ROBO2: variants seen among roughly 807,000 people sequenced by gnomAD.
ROBO2 encodes the protein roundabout homolog 2.
ROBO2 carries 53 observed loss-of-function variants against 160.8 expected under a neutral mutation model. The ratio of observed to expected loss-of-function variants is 0.33; its 90% CI spans 0.26 to 0.41. ROBO2 has a LOEUF of 0.41. ROBO2 is among the 10% of genes least tolerant of loss of function. The probability of loss-of-function intolerance (pLI) is 1.00; values close to 1 mark genes in which losing one functional copy is unlikely to be tolerated. For missense variants in ROBO2, 1,577 were observed against 1,722.4 expected (o/e 0.92, Z 1.49); for synonymous variants, 664 against 611.7 (o/e 1.09, Z -1.26).
At chr3:76,184,940 C>T (rs1575786377) in intron 2 of ROBO2, among the ~76,000 whole-genome samples, 1 of 151,718 alleles carries the variant, frequency 6.6e-6, no homozygotes, top group Non-Finnish European at 1.5e-5. Flanking sequence ...ATAGTGCCTT[C>T]CCACATCGAT....
At chr3:75,927,968 T>A (rs1216671796) in intron 1 of ROBO2, among the ~76,000 whole-genome samples, 1 of 89,300 alleles carries the variant, frequency 1.1e-5, no homozygotes, top group Non-Finnish European at 2.5e-5. Flanking sequence ...TCTTTAATGA[T>A]TTTCTCTCTT....
chr3:76,252,758 T>C (rs71195257), intron 2 of ROBO2, among the ~76,000 whole-genome samples: 754 of 53,612 alleles, frequency 0.014, 10 homozygotes, highest in East Asian at 0.079. Context: ...TGTATATGTA[T>C]ACACACACAC....
chr3:76,285,066 C>A (rs1708441466), intron 2 of ROBO2, among the ~76,000 whole-genome samples: 1 of 152,100 alleles, frequency 6.6e-6, no homozygotes, highest in Admixed American at 6.6e-5. Flanking sequence ...CTGAAAGGAA[C>A]AACCAAGTTT....
At chr3:76,736,512 C>T (rs1218058918) in intron 2 of ROBO2, among the ~76,000 whole-genome samples, 1 of 152,194 alleles carries the variant, frequency 6.6e-6, no homozygotes, top group East Asian at 1.9e-4. Flanking sequence ...GATTATCCAA[C>T]AATCAGTTAC....
At chr3:77,403,342 A>G (rs2075976214) in intron 2 of ROBO2, among the ~76,000 whole-genome samples, 1 of 151,996 alleles carries the variant, frequency 6.6e-6, no homozygotes, top group African/African-American at 2.4e-5. Context: ...AAATTTTGAA[A>G]CCTCTGACCA....
intron 2 of ROBO2, among the ~76,000 whole-genome samples, chr3:77,032,569 A>G (rs2063386618): frequency 6.6e-6 from 1 of 152,166 alleles, no homozygotes; most frequent in Non-Finnish European, 1.5e-5. Flanking sequence ...ACTTTAGGCA[A>G]CATTCAAAGT....
intron 2 of ROBO2, among the ~76,000 whole-genome samples, chr3:76,357,401 C>T (rs946266658): frequency 1.3e-5 from 2 of 151,774 alleles, no homozygotes; most frequent in South Asian, 2.1e-4. Context: ...GCAACAATAT[C>T]GATGAACCTC....
chr3:76,926,900 T>G (rs1313227437), intron 2 of ROBO2, among the ~76,000 whole-genome samples: 1 of 152,160 alleles, frequency 6.6e-6, no homozygotes, highest in East Asian at 1.9e-4. Flanking sequence ...GGACTCCGTT[T>G]TTTTTCAAGC....
intron 2 of ROBO2, among the ~76,000 whole-genome samples, chr3:76,001,182 C>T (rs1028853743): frequency 2.0e-5 from 3 of 152,154 alleles, no homozygotes; most frequent in Admixed American, 6.5e-5. Context: ...ATTGCATTAA[C>T]GAAGCACAAC....
At chr3:77,262,539 C>T (rs2058841570) in intron 2 of ROBO2, among the ~76,000 whole-genome samples, 1 of 152,000 alleles carries the variant, frequency 6.6e-6, no homozygotes, top group Non-Finnish European at 1.5e-5. Context: ...TATATTACAA[C>T]TGAAGAAATC....
intron 2 of ROBO2, among the ~76,000 whole-genome samples, chr3:76,708,883 T>C (rs1380375193): frequency 2.0e-5 from 3 of 152,044 alleles, no homozygotes; most frequent in Admixed American, 1.3e-4. Context: ...CCAAGAGATA[T>C]TAGGTAAAGC....
chr3:76,679,530 A>T (rs1390555824), intron 2 of ROBO2, among the ~76,000 whole-genome samples: 3 of 152,154 alleles, frequency 2.0e-5, no homozygotes, highest in African/African-American at 7.2e-5. Context: ...CCTGCTAAAC[A>T]ATTCAGCGCT....
intron 2 of ROBO2, among the ~76,000 whole-genome samples, chr3:77,141,049 C>A (rs950819722): frequency 6.6e-6 from 1 of 152,256 alleles, no homozygotes; most frequent in African/African-American, 2.4e-5. Context: ...GAAAACATTA[C>A]TTTCCAAGAA....
chr3:76,737,875 G>A (rs1392111476), intron 2 of ROBO2, among the ~76,000 whole-genome samples: 2 of 152,114 alleles, frequency 1.3e-5, no homozygotes, highest in African/African-American at 2.4e-5. Context: ...GACTGGGAAC[G>A]GTGGCTCACA....
chr3:77,161,451 T>TAC (rs910942326), intron 2 of ROBO2, among the ~76,000 whole-genome samples: 1 of 152,242 alleles, frequency 6.6e-6, no homozygotes, highest in Admixed American at 6.5e-5. Flanking sequence ...CAAATGTGTG[T>TAC]ACACACTCTT....
intron 2 of ROBO2, among the ~76,000 whole-genome samples, chr3:76,336,151 G>C (rs187058819): frequency 1.9e-3 from 287 of 152,200 alleles, no homozygotes; most frequent in South Asian, 0.011. Context: ...GATATACAGT[G>C]ACCTAAAATC....
At chr3:76,075,079 T>G (rs777564019) in intron 2 of ROBO2, among the ~76,000 whole-genome samples, 26 of 152,130 alleles carry the variant, frequency 1.7e-4, no homozygotes, top group Non-Finnish European at 3.4e-4. Flanking sequence ...TGATCGTATT[T>G]ATCCTGCTGA....
intron 2 of ROBO2, among the ~76,000 whole-genome samples, chr3:77,416,949 G>C (rs1007072137): frequency 6.6e-6 from 1 of 152,056 alleles, no homozygotes; most frequent in African/African-American, 2.4e-5. Context: ...AGACAGATTT[G>C]GTCAGAAGGT....
intron 2 of ROBO2, among the ~76,000 whole-genome samples, chr3:76,008,232 C>CAAAAAAAAAAAAAAAAAAAATA (rs2066082537): frequency 1.2e-5 from 1 of 82,280 alleles, no homozygotes; most frequent in Non-Finnish European, 2.4e-5. Context: ...AAGACTCTGT[C>CAAAAAAAAAAAAAAAAAAAATA]AAAAAAAAAA....
Sources: allele counts gnomAD v4.1 joint callset (sites outside exome capture counted in the v4.1 genomes callset), GRCh38; gene constraint gnomAD v4.1.1; transcripts MANE v1.5; gene names NCBI Gene and HGNC (gene_info 2026-07-23, HGNC 2026-07-21).